Variants in RBM5 observed in about 807,000 individuals in gnomAD.
The protein encoded by RBM5 is RNA binding motif protein 5.
A neutral mutation model predicts 124.6 loss-of-function variants in RBM5; 15 were observed. The ratio of observed to expected loss-of-function variants is 0.12; its 90% CI spans 0.08 to 0.19. RBM5 has a LOEUF of 0.19. Among genes scored for constraint, RBM5 ranks in the 10% least tolerant of loss-of-function variants. RBM5 has a pLI of 1.00. For missense variants in RBM5, 580 were observed against 1,026.5 expected (o/e 0.57, Z 5.94); for synonymous variants, 337 against 361.2 (o/e 0.93, Z 0.76).
In RBM5 at chr3:50,112,660, A is replaced by G. The variant is rs1337280518; in HGVS notation, c.1456-723A>G. 2.6e-5 allele frequency: 4 copies of G among 152,132 alleles called. No homozygotes were observed. In the East Asian group the frequency reaches 7.7e-4, roughly 29 times the overall value. 9.4% of individuals were successfully genotyped at this position (152,132 alleles called of 1,614,324 possible). ...CCCTGTGTGTGGTTGCCTGGTATCC[A>G]ATGGATTCTATGTGGATGGGCCCAA... is the stretch of plus-strand genomic sequence containing the variant. On this transcript the variant is annotated intron_variant, in intron 17 of 24. Coordinates refer to ENST00000347869, the MANE Select transcript of RBM5 (RefSeq NM_005778.4).
chr3:50,101,131 C>T (rs2090930686), intron 6 of RBM5: 1 of 125,188 alleles, frequency 8.0e-6, no homozygotes, highest in Non-Finnish European at 1.7e-5. Flanking sequence ...GGAGTGGTGT[C>T]CTGCAGCTGT....
At chr3:50,106,240 A>G (rs974387154) in intron 10 of RBM5, among the ~76,000 whole-genome samples, 1 of 140,296 alleles carries the variant, frequency 7.1e-6, no homozygotes, top group African/African-American at 2.6e-5. Context: ...CCCAGGGTTC[A>G]CGCCATTCTC....
intron 4 of RBM5, chr3:50,094,128 AAG>A (rs1400375824): frequency 3.2e-6 from 1 of 309,142 alleles, no homozygotes; most frequent in Non-Finnish European, 6.0e-6. Context: ...ATACATGCCA[AAG>A]GTAATTTTAT....
In RBM5 at chr3:50,093,836, C is replaced by T. The variant is rs140669787; in HGVS notation, c.300C>T (p.Ile100=). Residue 100 remains isoleucine, a synonymous_variant, in exon 4 of 25, where the codon ATC becomes ATT. Coordinates refer to ENST00000347869, the MANE Select transcript of RBM5 (RefSeq NM_005778.4). ...DISDERESKT[I]MLRGLPITIT... is the part of the protein sequence containing the mutation. ...GTGACGAGAGGGAGAGCAAGACCAT[C>T]ATGCTGCGCGGCCTTCCCATCACCA... 84 of 1,613,560 alleles carry T rather than the reference C, an allele frequency of 5.2e-5. 1 individual carries two copies. In the African/African-American group the frequency reaches 6.1e-4, roughly 12 times the overall value.
At chr3:50,099,116 G>A (rs757737757) in intron 4 of RBM5, among the ~76,000 whole-genome samples, 16 of 152,096 alleles carry the variant, frequency 1.1e-4, no homozygotes, top group Non-Finnish European at 2.4e-4. Context: ...TTAACCAGGT[G>A]TGGTGGTGTG....
At chr3:50,106,735 T>G (rs770427947) in intron 10 of RBM5, 32 bp from the exon 11 acceptor site, 2 of 1,465,482 alleles carry the variant, frequency 1.4e-6, no homozygotes, top group Non-Finnish European at 1.9e-6. Context: ...TTAATTGCAT[T>G]ACACGTTTTT....
Position 50,105,039 on chromosome 3 carries a change from T to C in RBM5, c.629-38T>C, listed in dbSNP as rs945060376. ...ATGTATTTCTTTGGTGAAAATACAT[T>C]AGTTGTTTGTCTCTAATTGGATCAC... is the stretch of plus-strand genomic sequence containing the variant. On this transcript the variant is annotated intron_variant, in intron 8 of 24. Transcript: ENST00000347869. The C allele has an allele frequency of 2.9e-6, 4 of 1,386,390 alleles. No individual in the cohort carries two copies. In the South Asian group the frequency reaches 3.6e-5, roughly 13 times the overall value. The allele number at this position is 1,386,390 out of a possible 1,614,324, so 85.9% of individuals were successfully genotyped here.
chr3:50,115,223 G>A (rs1451136566), intron 20 of RBM5: 4 of 542,792 alleles, frequency 7.4e-6, no homozygotes, highest in Non-Finnish European at 1.3e-5. Flanking sequence ...CTCCAAGAAG[G>A]TTGGTACCAG....
At chr3:50,116,208 A>G (rs1202343201) in intron 22 of RBM5, 2 of 517,412 alleles carry the variant, frequency 3.9e-6, no homozygotes, top group East Asian at 6.6e-5. Flanking sequence ...CACTGCCGAG[A>G]CTCTCTCACA....
Position 50,118,676 on chromosome 3 carries a change from G to T in RBM5, c.*220G>T. On this transcript the variant is annotated 3_prime_UTR_variant, in exon 25 of 25. Coordinates refer to ENST00000347869, the MANE Select transcript of RBM5 (RefSeq NM_005778.4). ...CTTCCCGCCAGAGGGCTTGTGAACA[G>T]ACCGGAGAGGACAGTGGATTGTTTA... The T allele has an allele frequency of 1.6e-6, 1 of 630,874 alleles. No individual in the cohort carries two copies. Among genetic ancestry groups the T allele is most frequent in the Non-Finnish European group, 2.7e-6 (1 of 369,342 alleles). The allele number at this position is 630,874 out of a possible 1,614,324, so 39.1% of individuals were successfully genotyped here. A position where few individuals can be genotyped will look rare whatever the true frequency, so the allele number is the denominator to read the frequency against.
At chr3:50,101,547 T>C (rs1402450053) in intron 6 of RBM5, 1 of 152,192 alleles carries the variant, frequency 6.6e-6, no homozygotes, top group Non-Finnish European at 1.5e-5. Flanking sequence ...AACCCAGAAA[T>C]CACAGCCTGA....
At chr3:50,111,807 G>A (rs1395530816) in intron 17 of RBM5, among the ~76,000 whole-genome samples, 1 of 152,046 alleles carries the variant, frequency 6.6e-6, no homozygotes. Flanking sequence ...TTTTATTTTT[G>A]GTGGCATATA....
At position 50,114,032 on chromosome 3, in the gene RBM5, C is replaced by A; in HGVS notation, c.1700C>A (p.Ser567Tyr). 2 of 1,614,156 alleles carry A rather than the reference C, an allele frequency of 1.2e-6. No individual in the cohort carries two copies. The highest frequency in any genetic ancestry group is 1.7e-6 in the Non-Finnish European group (2 of 1,180,030). The change falls in exon 19 of 25, where the codon TCC becomes TAC. Residue 567 changes from serine to tyrosine, a missense_variant. By Grantham distance (144) the Ser-to-Tyr change is moderately radical. Transcript: ENST00000347869. ...NFKNSFQPVN[S>Y]LREEERRESA... ...AAAAATAGCTTTCAGCCTGTCAATT[C>A]CTTGAGGGAAGAAGAAAGGAGAGAA...
At chr3:50,094,473 CTTTG>C (rs1308470850) in intron 4 of RBM5, 2 of 152,080 alleles carry the variant, frequency 1.3e-5, no homozygotes, top group Non-Finnish European at 2.9e-5. Context: ...ACAATGTGTG[CTTTG>C]TTTTTTTGTT....
rs893773536 is a variant in RBM5, at chr3:50,118,486, G to A, written c.*30G>A. The A allele has an allele frequency of 6.2e-7, 1 of 1,605,736 alleles. No individual in the cohort carries two copies. Among genetic ancestry groups the A allele is most frequent in the Admixed American group, 1.7e-5 (1 of 58,912 alleles). On this transcript the variant is annotated 3_prime_UTR_variant, in exon 25 of 25. Coordinates refer to ENST00000347869, the MANE Select transcript of RBM5 (RefSeq NM_005778.4). ...GAGAGAGAGAGAGAGATGACAAGGA[G>A]CACAAGAAGTGGTCCATCTCCCGAA...
At chr3:50,099,754 C>T (rs34535765) in intron 4 of RBM5, 2 of 361,628 alleles carry the variant, frequency 5.5e-6, no homozygotes, top group South Asian at 3.7e-5. Context: ...CCCAGCTACT[C>T]GGGAGGCTGA....
Position 50,118,530 on chromosome 3 carries a change from C to T in RBM5, c.*74C>T, listed in dbSNP as rs1362059214. The T allele has an allele frequency of 1.1e-5, 17 of 1,545,456 alleles. No homozygotes were observed. Among genetic ancestry groups the T allele is most frequent in the South Asian group, 2.3e-5 (2 of 85,130 alleles). ...TCCCGAATTCGCTGTTACCGCCTGTCTCTTTAAGGGCATGCCTTGTGCTGT... is the reference window on the plus strand; with the variant it reads ...TCCCGAATTCGCTGTTACCGCCTGTTTCTTTAAGGGCATGCCTTGTGCTGT... On this transcript the variant is annotated 3_prime_UTR_variant, in exon 25 of 25. Transcript: ENST00000347869.
At position 50,094,120 on chromosome 3, in the gene RBM5, A is replaced by G. The variant is rs1338687252; in HGVS notation, c.339+245A>G. 3.8e-5 allele frequency: 13 copies of G among 346,048 alleles called. No homozygotes were observed. The East Asian group carries it at 5.3e-4, about 14-fold the overall frequency. The allele number at this position is 346,048 out of a possible 1,614,324, so 21.4% of individuals were successfully genotyped here. A position where few individuals can be genotyped will look rare whatever the true frequency, so the allele number is the denominator to read the frequency against. On this transcript the variant is annotated intron_variant, in intron 4 of 24. Transcript: ENST00000347869. ...CATTTGTATTTTGTATATGTCTTAT[A>G]CATGCCAAAGGTAATTTTATACAAC...
chr3:50,094,637 A>G (rs1316829073), intron 4 of RBM5, among the ~76,000 whole-genome samples: 1 of 152,118 alleles, frequency 6.6e-6, no homozygotes. Flanking sequence ...ATGCCACCAC[A>G]CCCAGCTAAT....
Sources: gnomAD v4.1 joint callset for allele counts (sites outside exome capture counted in the v4.1 genomes callset) on GRCh38, gnomAD v4.1.1 for gene constraint, MANE v1.5 for transcripts, NCBI Gene and HGNC (gene_info 2026-07-23, HGNC 2026-07-21) for gene names.